Variants in ZNF654 observed in about 807,000 individuals in gnomAD.
ZNF654 encodes melanoma-associated antigen.
ZNF654 carries 19 observed loss-of-function variants against 95.3 expected under a neutral mutation model. The observed-to-expected ratio is 0.20, with a 90% confidence interval of 0.14 to 0.29. The LOEUF (loss-of-function observed/expected upper bound fraction) is 0.29, where lower values mean the gene tolerates loss of function less well. ZNF654 is among the 10% of genes least tolerant of loss of function. ZNF654 has a pLI of 1.00. For missense variants in ZNF654, 1,046 were observed against 1,341.0 expected (o/e 0.78, Z 3.44); for synonymous variants, 413 against 457.9 (o/e 0.90, Z 1.25).
At position 88,135,051 on chromosome 3, in the gene ZNF654, T is replaced by C. The variant is rs1254236621; in HGVS notation, c.894-10T>C. The C allele has an allele frequency of 1.5e-6, 2 of 1,378,640 alleles. No individual in the cohort carries two copies. Among genetic ancestry groups the C allele is most frequent in the Non-Finnish European group, 1.9e-6 (2 of 1,068,844 alleles). The allele number at this position is 1,378,640 out of a possible 1,614,324, so 85.4% of individuals were successfully genotyped here. A position where few individuals can be genotyped will look rare whatever the true frequency, so the allele number is the denominator to read the frequency against. The stretch of plus-strand genomic sequence containing the variant: ...TATTTTTGATAATTCTCTTTTTTTC[T>C]CATTTACAGGGAGTTGATTTTCATA... On this transcript the variant is annotated splice_polypyrimidine_tract_variant and intron_variant, in intron 6 of 8. Transcript: ENST00000636215.
Position 88,140,021 on chromosome 3 carries a change from G to C in ZNF654, c.2352G>C (p.Trp784Cys). Reference protein sequence around the residue: ...DLNVRQTVMKWSKGKCKFCQR... With the variant: ...DLNVRQTVMKCSKGKCKFCQR... Reference sequence around the variant, plus strand: ...ATGTGCGACAAACAGTAATGAAGTGGAGCAAAGGAAAATGCAAATTTTGTC... The same window carrying C: ...ATGTGCGACAAACAGTAATGAAGTGCAGCAAAGGAAAATGCAAATTTTGTC... The change falls in exon 8 of 9, where the codon TGG becomes TGC. Residue 784 changes from tryptophan (W) to cysteine (C), a missense_variant. By Grantham distance (215) the Trp-to-Cys change is radical. Coordinates refer to ENST00000636215, the MANE Select transcript of ZNF654 (RefSeq NM_001350134.2). 1 of 1,613,718 alleles carries C rather than the reference G, an allele frequency of 6.2e-7. No individual in the cohort carries two copies. The highest frequency in any genetic ancestry group is 8.5e-7 in the Non-Finnish European group (1 of 1,179,762).
chr3:88,122,683 C>T lies in ZNF654; in HGVS notation c.415-3451C>T, dbSNP rs757603273. On this transcript the variant is annotated intron_variant, in intron 3 of 8. Transcript: ENST00000636215. ...AAAGGATTAAGTTGATATAGAGGCA[C>T]AATTTATTATTTAAGTAAATATTCT... Among the ~76,000 whole-genome samples, 128 of 152,084 alleles carry T rather than the reference C, an allele frequency of 8.4e-4. 1 individual carries two copies. The highest frequency in any genetic ancestry group is 1.6e-3 in the Admixed American group (24 of 15,266).
intron 3 of ZNF654, among the ~76,000 whole-genome samples, chr3:88,113,562 A>G (rs574520048): frequency 6.6e-6 from 1 of 152,186 alleles, no homozygotes; most frequent in East Asian, 1.9e-4. Context: ...TCTCTCTCAT[A>G]ATAGCTTTCC....
At chr3:88,067,503 A>G (rs1052727120) in intron 1 of ZNF654, among the ~76,000 whole-genome samples, 1 of 152,254 alleles carries the variant, frequency 6.6e-6, no homozygotes. Context: ...CCTTAAAACT[A>G]AAGCTTGAGG....
chr3:88,096,504 C>T (rs1472731636), intron 2 of ZNF654, among the ~76,000 whole-genome samples: 1 of 152,102 alleles, frequency 6.6e-6, no homozygotes, highest in South Asian at 2.1e-4. Flanking sequence ...CCAAAACTAA[C>T]CAGAACCCAA....
chr3:88,116,410 C>T (rs1559720609), intron 3 of ZNF654, among the ~76,000 whole-genome samples: 2 of 151,856 alleles, frequency 1.3e-5, no homozygotes, highest in East Asian at 3.9e-4. Context: ...ATCCCAGCTA[C>T]TTGGGAGGCT....
At chr3:88,063,550 C>A (rs1233701905) in intron 1 of ZNF654, among the ~76,000 whole-genome samples, 1 of 152,092 alleles carries the variant, frequency 6.6e-6, no homozygotes, top group Non-Finnish European at 1.5e-5. Context: ...CTTATTATAG[C>A]TCTATGAATA....
At chr3:88,132,930 C>T (rs1041976998) in intron 6 of ZNF654, among the ~76,000 whole-genome samples, 1 of 152,130 alleles carries the variant, frequency 6.6e-6, no homozygotes, top group Non-Finnish European at 1.5e-5. Flanking sequence ...GCAGTATGAG[C>T]TACATGAAAG....
intron 2 of ZNF654, chr3:88,095,267 T>C (rs1172829153): frequency 1.2e-5 from 2 of 171,226 alleles, no homozygotes; most frequent in Non-Finnish European, 2.5e-5. Context: ...AGAGAACCAA[T>C]ACCATCTTTT....
intron 1 of ZNF654, among the ~76,000 whole-genome samples, chr3:88,084,795 T>G (rs554069465): frequency 1.3e-5 from 2 of 152,218 alleles, no homozygotes; most frequent in Admixed American, 6.5e-5. Context: ...GTGTTTATGA[T>G]GATGCCCCTT....
At chr3:88,138,431 C>A (rs1706931341) in intron 7 of ZNF654, among the ~76,000 whole-genome samples, 1 of 123,994 alleles carries the variant, frequency 8.1e-6, no homozygotes, top group African/African-American at 2.8e-5. Context: ...ACCATAAGTC[C>A]ATTTTGTATT....
intron 3 of ZNF654, among the ~76,000 whole-genome samples, chr3:88,122,987 G>A (rs1705864805): frequency 1.3e-5 from 2 of 149,594 alleles, no homozygotes; most frequent in Admixed American, 6.7e-5. Flanking sequence ...TCCTGCCTGG[G>A]CGACAGAGTG....
chr3:88,079,507 T>G (rs1707975026), intron 1 of ZNF654, among the ~76,000 whole-genome samples: 1 of 152,056 alleles, frequency 6.6e-6, no homozygotes, highest in South Asian at 2.1e-4. Flanking sequence ...CTATTTTTGT[T>G]TCATAATGAA....
In ZNF654 at chr3:88,143,438, AAAAAT is replaced by A. The variant is rs1278015723; in HGVS notation, c.*1787_*1791del. On this transcript the variant is annotated 3_prime_UTR_variant, in exon 9 of 9. Transcript: ENST00000636215. ...AATGTTTCCTGTATTTCTTGATACTAAAAATGTAATGATTTTTATTTTAGTTCATT... is the reference window on the plus strand; with the variant it reads ...AATGTTTCCTGTATTTCTTGATACTAGTAATGATTTTTATTTTAGTTCATT... The A allele has an allele frequency of 1.3e-5, 2 of 152,308 alleles. No homozygotes were observed. Among genetic ancestry groups the A allele is most frequent in the Non-Finnish European group, 3.0e-5 (2 of 67,760 alleles). 9.4% of individuals were successfully genotyped at this position (152,308 alleles called of 1,614,324 possible).
chr3:88,117,007 G>T (rs1026400705), intron 3 of ZNF654, among the ~76,000 whole-genome samples: 2 of 152,104 alleles, frequency 1.3e-5, no homozygotes, highest in African/African-American at 4.8e-5. Context: ...TTTCTTAAAG[G>T]ATCTGTTACG....
At chr3:88,061,959 A>G (rs1706911555) in intron 1 of ZNF654, among the ~76,000 whole-genome samples, 1 of 152,176 alleles carries the variant, frequency 6.6e-6, no homozygotes, top group African/African-American at 2.4e-5. Flanking sequence ...GGGAAATATG[A>G]ATCAAAATTT....
At chr3:88,063,748 T>TA (rs1468088862) in intron 1 of ZNF654, among the ~76,000 whole-genome samples, 2 of 152,166 alleles carry the variant, frequency 1.3e-5, no homozygotes, top group Admixed American at 6.5e-5. Flanking sequence ...ATTTATTATG[T>TA]AAAAAAATCT....
At chr3:88,068,824 C>T (rs1707343813) in intron 1 of ZNF654, among the ~76,000 whole-genome samples, 1 of 152,014 alleles carries the variant, frequency 6.6e-6, no homozygotes. Flanking sequence ...AGTCCTGTAC[C>T]TAGTATGTGA....
chr3:88,124,118 G>A (rs954860089), intron 3 of ZNF654, among the ~76,000 whole-genome samples: 1 of 152,084 alleles, frequency 6.6e-6, no homozygotes, highest in African/African-American at 2.4e-5. Context: ...ATATTTATTC[G>A]AACTGTTAAA....
Sources: gnomAD v4.1 joint callset for allele counts (sites outside exome capture counted in the v4.1 genomes callset) on GRCh38, gnomAD v4.1.1 for gene constraint, MANE v1.5 for transcripts, NCBI Gene and HGNC (gene_info 2026-07-23, HGNC 2026-07-21) for gene names.